Variants in COL22A1 observed in about 807,000 individuals in gnomAD.
COL22A1 encodes the protein collagen alpha-1(XXII) chain.
COL22A1 carries 221 observed loss-of-function variants against 248.9 expected under a neutral mutation model. The observed-to-expected ratio is 0.89, with a 90% CI of 0.80 to 0.99. The LOEUF (loss-of-function observed/expected upper bound fraction) is 0.99. COL22A1 is among the 50% of genes least tolerant of loss of function. The pLI, the probability that COL22A1 is intolerant of heterozygous loss-of-function variation, is 0.00. For synonymous variants in COL22A1, 891 were observed against 793.4 expected (o/e 1.12, Z -2.07); for missense variants, 2,240 against 2,179.0 (o/e 1.03, Z -0.56).
At chr8:138,706,374 C>G (rs1463748256) in intron 30 of COL22A1, among the ~76,000 whole-genome samples, 1 of 152,144 alleles carries the variant, frequency 6.6e-6, no homozygotes, top group Non-Finnish European at 1.5e-5. Context: ...CAAAATTGGC[C>G]ACATAGTTGG....
chr8:138,757,709 T>G (rs939587936), intron 18 of COL22A1, among the ~76,000 whole-genome samples: 3 of 152,382 alleles, frequency 2.0e-5, no homozygotes, highest in Admixed American at 6.5e-5. Flanking sequence ...TGATACTATC[T>G]TTCCTGTCTT....
At chr8:138,726,280 C>T (rs2131178109) in intron 23 of COL22A1, among the ~76,000 whole-genome samples, 1 of 151,886 alleles carries the variant, frequency 6.6e-6, no homozygotes, top group Admixed American at 6.6e-5. Flanking sequence ...TCACTACAGG[C>T]CAGGAGTTTG....
chr8:138,830,369 T>C (rs1376501614), intron 5 of COL22A1, among the ~76,000 whole-genome samples: 2 of 152,260 alleles, frequency 1.3e-5, no homozygotes, highest in Non-Finnish European at 2.9e-5. Flanking sequence ...AATGTAAATA[T>C]TAAAAGTGAC....
intron 23 of COL22A1, among the ~76,000 whole-genome samples, chr8:138,729,821 A>C (rs1830576719): frequency 6.6e-6 from 1 of 152,000 alleles, no homozygotes; most frequent in Non-Finnish European, 1.5e-5. Flanking sequence ...AGAAACTCTA[A>C]ATAGAGCAGC....
intron 21 of COL22A1, among the ~76,000 whole-genome samples, chr8:138,752,701 C>T (rs191059154): frequency 3.3e-5 from 5 of 152,318 alleles, no homozygotes; most frequent in Admixed American, 3.3e-4. Context: ...CATTTGGATG[C>T]AGAATGCTGA....
intron 44 of COL22A1, among the ~76,000 whole-genome samples, chr8:138,658,393 T>C (rs1190672711): frequency 6.6e-6 from 1 of 152,184 alleles, no homozygotes; most frequent in Non-Finnish European, 1.5e-5. Context: ...GGTGGGTGCC[T>C]TGGACACATA....
intron 30 of COL22A1, among the ~76,000 whole-genome samples, chr8:138,707,437 C>G (rs1215934883): frequency 6.6e-6 from 1 of 152,202 alleles, no homozygotes; most frequent in Non-Finnish European, 1.5e-5. Context: ...GCTTATCCAT[C>G]ATGATCAAAT....
chr8:138,787,470 T>C (rs1815634699), intron 12 of COL22A1, among the ~76,000 whole-genome samples: 1 of 152,192 alleles, frequency 6.6e-6, no homozygotes, highest in Admixed American at 6.5e-5. Context: ...GGAGTACCTC[T>C]GGCTCAAGAT....
At chr8:138,722,457 T>A (rs1239505898) in intron 25 of COL22A1, among the ~76,000 whole-genome samples, 1 of 152,162 alleles carries the variant, frequency 6.6e-6, no homozygotes, top group Admixed American at 6.5e-5. Flanking sequence ...CTCTCTCCTC[T>A]CCAGAATCTT....
chr8:138,660,859 GACACACAAACACACAGA>G (rs1823795194), intron 43 of COL22A1, among the ~76,000 whole-genome samples: 1 of 25,842 alleles, frequency 3.9e-5, no homozygotes, highest in Non-Finnish European at 1.1e-4. Context: ...CACATACACA[GACACACAAACACACAGA>G]CACACACATA....
chr8:138,742,139 G>A, intron 22 of COL22A1, among the ~76,000 whole-genome samples: 1 of 151,388 alleles, frequency 6.6e-6, no homozygotes, highest in Non-Finnish European at 1.5e-5. Context: ...GATGGTGGTA[G>A]TGATTGTGAT....
intron 1 of COL22A1, among the ~76,000 whole-genome samples, chr8:138,909,871 A>G (rs1815318186): frequency 6.6e-6 from 1 of 152,158 alleles, no homozygotes; most frequent in African/African-American, 2.4e-5. Flanking sequence ...TCTAATAACC[A>G]ATAAGTCCTG....
At chr8:138,865,911 G>C (rs1160280850) in intron 3 of COL22A1, among the ~76,000 whole-genome samples, 1 of 149,956 alleles carries the variant, frequency 6.7e-6, no homozygotes, top group African/African-American at 2.5e-5. Context: ...TTGTATGCCT[G>C]CATGTGAGTG....
At position 138,627,498 on chromosome 8, in the gene COL22A1, A is replaced by C. The variant is rs574586875; in HGVS notation, c.3664-1255T>G. 2.6e-5 allele frequency among the ~76,000 whole-genome samples: 4 copies of C among 152,364 alleles called. No homozygotes were observed. The East Asian group carries it at 7.7e-4, about 29-fold the overall frequency. On this transcript the variant is annotated intron_variant, in intron 50 of 64. Coordinates refer to ENST00000303045, the MANE Select transcript of COL22A1 (RefSeq NM_152888.3). ...ACTCAGGTGAGGAGAGCATGGTCCC[A>C]TAATAAGAATGTGGCAGATCCAGGA... is the stretch of plus-strand genomic sequence containing the variant.
At chr8:138,716,964 C>T (rs1829486984) in intron 27 of COL22A1, 95 bp from the exon 28 acceptor site, 4 of 902,256 alleles carry the variant, frequency 4.4e-6, no homozygotes, top group African/African-American at 1.6e-5. Flanking sequence ...ATAGCACCTG[C>T]CAGCCACAAC....
chr8:138,725,584 C>A, intron 23 of COL22A1, 144 bp from the exon 24 acceptor site: 1 of 696,912 alleles, frequency 1.4e-6, no homozygotes. Flanking sequence ...ATTTTTCAAA[C>A]AAAAATAAGC....
intron 3 of COL22A1, among the ~76,000 whole-genome samples, chr8:138,850,771 C>T (rs879375128): frequency 2.6e-5 from 4 of 152,314 alleles, no homozygotes; most frequent in Admixed American, 6.5e-5. Context: ...TCAGTTGCCC[C>T]CTGTGTGTCT....
intron 43 of COL22A1, 78 bp downstream of exon 43, chr8:138,661,952 C>A (rs557561415): frequency 1.8e-6 from 2 of 1,119,472 alleles, no homozygotes; most frequent in Non-Finnish European, 1.3e-6. Context: ...TCAAAGGAGG[C>A]CAGGAGATGG....
At chr8:138,829,648 C>T (rs893722662) in intron 5 of COL22A1, among the ~76,000 whole-genome samples, 2 of 152,054 alleles carry the variant, frequency 1.3e-5, no homozygotes, top group Admixed American at 6.5e-5. Context: ...CCACATTGGC[C>T]AGGCTGGTCT....
Sources: allele counts gnomAD v4.1 joint callset (sites outside exome capture counted in the v4.1 genomes callset), GRCh38; gene constraint gnomAD v4.1.1; transcripts MANE v1.5; gene names NCBI Gene and HGNC (gene_info 2026-07-23, HGNC 2026-07-21).